Variants in MSH3 observed in about 807,000 individuals in gnomAD.
MSH3 encodes the protein DNA mismatch repair protein Msh3.
In MSH3, 106 loss-of-function variants were observed where a neutral mutation model predicts 123.3. That is an observed-to-expected ratio of 0.86 (90% CI 0.73 to 1.01). The LOEUF (loss-of-function observed/expected upper bound fraction) is 1.01. Ranked by LOEUF, MSH3 falls within the 50% of genes least tolerant of loss-of-function variation. MSH3 has a pLI of 0.00. For missense variants in MSH3, 1,459 were observed against 1,347.6 expected, an observed-to-expected ratio of 1.08 and a Z score of -1.29; for synonymous variants, 515 against 481.4, an observed-to-expected ratio of 1.07 and a Z score of -0.91.
At chr5:80,729,614 T>G (rs887760895) in intron 10 of MSH3, among the ~76,000 whole-genome samples, 1 of 152,094 alleles carries the variant, frequency 6.6e-6, no homozygotes, top group Non-Finnish European at 1.5e-5. Flanking sequence ...ACCACCTTTC[T>G]TATTCTTGGT....
chr5:80,761,414 T>A, intron 12 of MSH3, 132 bp from the exon 13 acceptor site: 1 of 1,073,506 alleles, frequency 9.3e-7, no homozygotes, highest in Non-Finnish European at 1.4e-6. Flanking sequence ...CACATGACTA[T>A]CTCAGTATGA....
chr5:80,777,128 G>A (rs1488050878), intron 16 of MSH3, among the ~76,000 whole-genome samples: 2 of 151,528 alleles, frequency 1.3e-5, no homozygotes, highest in African/African-American at 2.4e-5. Context: ...ATGGCGTTTC[G>A]CCATTTGGCC....
At chr5:80,773,040 A>C (rs1024149113) in intron 15 of MSH3, among the ~76,000 whole-genome samples, 3 of 152,176 alleles carry the variant, frequency 2.0e-5, no homozygotes, top group African/African-American at 7.2e-5. Flanking sequence ...TGATACTTAC[A>C]GATTGAATAG....
chr5:80,726,551 C>G (rs1427613511), intron 9 of MSH3, among the ~76,000 whole-genome samples: 1 of 152,208 alleles, frequency 6.6e-6, no homozygotes, highest in Non-Finnish European at 1.5e-5. Flanking sequence ...ACTGCAACCT[C>G]TGTCTCTTGG....
At chr5:80,681,022 T>C (rs902423315) in intron 8 of MSH3, among the ~76,000 whole-genome samples, 11 of 152,178 alleles carry the variant, frequency 7.2e-5, no homozygotes, top group Admixed American at 2.0e-4. Flanking sequence ...TATGAATGTT[T>C]ATAAAGCTCT....
At position 80,854,345 on chromosome 5, in the gene MSH3, AG is replaced by A. The variant is rs2112106780; in HGVS notation, c.3000+30del. The A allele has an allele frequency of 1.9e-6, 3 of 1,583,678 alleles. No homozygotes were observed. In the East Asian group the frequency reaches 6.7e-5, roughly 36 times the overall value. On this transcript the variant is annotated intron_variant, in intron 21 of 23. Coordinates refer to ENST00000265081, the MANE Select transcript of MSH3 (RefSeq NM_002439.5). ...AGTATCCGGTAAACTGTATTTAAAAAGAAATTAATTTGTAAATTATTATTTT... is the reference window on the plus strand; with the variant it reads ...AGTATCCGGTAAACTGTATTTAAAAAAAATTAATTTGTAAATTATTATTTT...
chr5:80,868,718 A>G (rs1437447123), intron 22 of MSH3, among the ~76,000 whole-genome samples: 1 of 150,702 alleles, frequency 6.6e-6, no homozygotes, highest in East Asian at 1.9e-4. Flanking sequence ...AACCTCCGTG[A>G]CACAAGTTTA....
Position 80,876,004 on chromosome 5 carries a change from G to A in MSH3, c.*142G>A. On this transcript the variant is annotated 3_prime_UTR_variant, in exon 24 of 24. Coordinates refer to ENST00000265081, the MANE Select transcript of MSH3 (RefSeq NM_002439.5). ...GTATATTCCTATTGGAAACAGAGAG[G>A]TTTTTCTGAAGACAGTCTTTTTCAA... 4.6e-6 allele frequency: 3 copies of A among 646,718 alleles called. No homozygotes were observed. The highest frequency in any genetic ancestry group is 3.7e-5 in the South Asian group (2 of 53,806). 40.1% of individuals were successfully genotyped at this position (646,718 alleles called of 1,614,324 possible).
intron 14 of MSH3, 31 bp from the exon 15 acceptor site, chr5:80,768,804 G>A (rs1252460830): frequency 3.9e-6 from 6 of 1,549,324 alleles, no homozygotes; most frequent in Middle Eastern, 1.9e-4. Context: ...AATAAACTTC[G>A]AATATGTATT....
chr5:80,788,525 G>GT (rs1434419899), intron 18 of MSH3, among the ~76,000 whole-genome samples: 1 of 151,558 alleles, frequency 6.6e-6, no homozygotes, highest in Non-Finnish European at 1.5e-5. Context: ...TTAAGAAAAA[G>GT]TAAGACTAGG....
intron 22 of MSH3, among the ~76,000 whole-genome samples, chr5:80,871,001 A>G (rs906447597): frequency 1.3e-5 from 2 of 152,234 alleles, no homozygotes; most frequent in African/African-American, 4.8e-5. Context: ...AGCTTAAACT[A>G]CATGCAGTGG....
chr5:80,827,487 C>G (rs1373334603), intron 20 of MSH3, among the ~76,000 whole-genome samples: 2 of 152,140 alleles, frequency 1.3e-5, no homozygotes, highest in Admixed American at 1.3e-4. Context: ...TATTTGTACT[C>G]TATACAAAAT....
chr5:80,657,000 A>G (rs941450925), intron 2 of MSH3, among the ~76,000 whole-genome samples: 8 of 152,170 alleles, frequency 5.3e-5, no homozygotes, highest in African/African-American at 1.9e-4. Flanking sequence ...TACAGATTAT[A>G]TTATATTCTA....
chr5:80,709,747 A>G (rs1750808943), intron 8 of MSH3, among the ~76,000 whole-genome samples: 1 of 152,244 alleles, frequency 6.6e-6, no homozygotes, highest in South Asian at 2.1e-4. Context: ...ACTGCAATTT[A>G]AATGATCTTC....
intron 8 of MSH3, among the ~76,000 whole-genome samples, chr5:80,688,455 T>C (rs1020497674): frequency 2.0e-5 from 3 of 152,230 alleles, no homozygotes; most frequent in African/African-American, 7.2e-5. Flanking sequence ...GAATGTCACT[T>C]ATGGTGACAC....
At chr5:80,778,984 TTTTTTTTTTTTAC>T in intron 17 of MSH3, 148 bp downstream of exon 17, 1 of 569,606 alleles carries the variant, frequency 1.8e-6, no homozygotes, top group Non-Finnish European at 3.1e-6. Context: ...TTATTTCTTT[TTTTTTTTTTTTAC>T]TTTTTTTTTT....
intron 12 of MSH3, among the ~76,000 whole-genome samples, chr5:80,745,532 G>C (rs553440024): frequency 2.0e-5 from 3 of 152,312 alleles, no homozygotes; most frequent in African/African-American, 7.2e-5. Context: ...ATAAATATAA[G>C]ATTTAAAACC....
chr5:80,856,431 C>T (rs34274010), intron 21 of MSH3, among the ~76,000 whole-genome samples: 23,757 of 151,020 alleles, frequency 0.16, 1,954 homozygotes, highest in East Asian at 0.24. Context: ...AACGATCATT[C>T]TCAGCAAACT....
At chr5:80,661,538 A>G (rs1749434305) in intron 2 of MSH3, among the ~76,000 whole-genome samples, 1 of 151,552 alleles carries the variant, frequency 6.6e-6, no homozygotes, top group African/African-American at 2.4e-5. Context: ...TATGAATTAT[A>G]TCTCAGTAAA....
Sources: gnomAD v4.1 joint callset for allele counts (sites outside exome capture counted in the v4.1 genomes callset) on GRCh38, gnomAD v4.1.1 for gene constraint, MANE v1.5 for transcripts, NCBI Gene and HGNC (gene_info 2026-07-23, HGNC 2026-07-21) for gene names.